The following BICD1 variants were observed in gnomAD, a reference collection of about 807,000 sequenced individuals.
BICD1 encodes BICD cargo adaptor 1, also known as protein bicaudal D homolog 1.
In BICD1, 35 loss-of-function variants were observed where a neutral mutation model predicts 92.5. That is an observed-to-expected ratio of 0.38 (90% CI 0.29 to 0.50). The LOEUF (loss-of-function observed/expected upper bound fraction) is 0.50. BICD1 is among the 20% of genes least tolerant of loss of function. The probability of loss-of-function intolerance (pLI) is 0.93; values close to 1 mark genes in which losing one functional copy is unlikely to be tolerated. For missense variants in BICD1, 950 were observed against 1,189.8 expected (o/e 0.80, Z 2.97); for synonymous variants, 429 against 465.1 (o/e 0.92, Z 1.00).
At chr12:32,164,895 T>A in intron 1 of BICD1, among the ~76,000 whole-genome samples, 1 of 152,186 alleles carries the variant, frequency 6.6e-6, no homozygotes. Flanking sequence ...ATCAAAATTA[T>A]TTTTAATGAG....
chr12:32,218,701 T>C (rs1945429993), intron 2 of BICD1, among the ~76,000 whole-genome samples: 1 of 152,210 alleles, frequency 6.6e-6, no homozygotes, highest in African/African-American at 2.4e-5. Context: ...AGCCTATGAA[T>C]GTGTTTATTC....
At position 32,338,910 on chromosome 12, in the gene BICD1, C is replaced by T. The variant is rs775825494; in HGVS notation, c.2695C>T (p.Pro899Ser). ...AGAATCATTTCTTCTGAAGGGCCCCCCTTCCATGAGTGAATTCATCCAAGG... is the reference window on the plus strand; with the variant it reads ...AGAATCATTTCTTCTGAAGGGCCCCTCTTCCATGAGTGAATTCATCCAAGG... Reference protein sequence around the residue: ...STESFLLKGPPSMSEFIQGHR... With the variant: ...STESFLLKGPSSMSEFIQGHR... Residue 899 changes from proline (P) to serine (S), a missense_variant, in exon 8 of 10, where the codon CCT becomes TCT. Coordinates refer to ENST00000652176, the MANE Select transcript of BICD1 (RefSeq NM_001714.4). 3 of 1,608,622 alleles carry T rather than the reference C, an allele frequency of 1.9e-6. No individual in the cohort carries two copies. The African/African-American group carries it at 4.0e-5, about 22-fold the overall frequency.
At chr12:32,153,444 A>G (rs1051865499) in intron 1 of BICD1, among the ~76,000 whole-genome samples, 2 of 152,182 alleles carry the variant, frequency 1.3e-5, no homozygotes, top group East Asian at 1.9e-4. Flanking sequence ...ACCTGAAACT[A>G]TTCTTGTTAA....
intron 2 of BICD1, among the ~76,000 whole-genome samples, chr12:32,284,614 C>G (rs1002528880): frequency 6.6e-6 from 1 of 152,188 alleles, no homozygotes; most frequent in Non-Finnish European, 1.5e-5. Context: ...AGTCCACCCT[C>G]GCAACTCTCA....
At chr12:32,124,317 G>C (rs920000841) in intron 1 of BICD1, among the ~76,000 whole-genome samples, 1 of 152,160 alleles carries the variant, frequency 6.6e-6, no homozygotes, top group Non-Finnish European at 1.5e-5. Context: ...AGAGATAAAT[G>C]AATTGTGATA....
rs554057587 is a variant in BICD1 at position 32,301,746 on chromosome 12, G to C, written c.580-3951G>C. Reference sequence around the variant, plus strand: ...GCTGTGATCAAGCCACTGTACTCTAGCCTGGGCAACAGAGCAAGACCCTGT... The same window carrying C: ...GCTGTGATCAAGCCACTGTACTCTACCCTGGGCAACAGAGCAAGACCCTGT... On this transcript the variant is annotated intron_variant, in intron 3 of 9. Transcript: ENST00000652176. Among the ~76,000 whole-genome samples the C allele has an allele frequency of 5.9e-5, 9 of 152,188 alleles. No homozygotes were observed. The South Asian group carries it at 1.5e-3, about 25-fold the overall frequency.
intron 8 of BICD1, among the ~76,000 whole-genome samples, chr12:32,344,011 T>C (rs1938477538): frequency 6.6e-6 from 1 of 152,204 alleles, no homozygotes; most frequent in Admixed American, 6.5e-5. Context: ...TGTAACAAAA[T>C]TTAGTGAATA....
intron 2 of BICD1, among the ~76,000 whole-genome samples, chr12:32,232,875 C>T (rs1945934101): frequency 6.6e-6 from 1 of 152,090 alleles, no homozygotes; most frequent in South Asian, 2.1e-4. Context: ...TTTATTTCTG[C>T]ATTAGACAAT....
chr12:32,283,821 C>A (rs1356070433), intron 2 of BICD1, among the ~76,000 whole-genome samples: 3 of 152,204 alleles, frequency 2.0e-5, no homozygotes, highest in Non-Finnish European at 4.4e-5. Flanking sequence ...GGGCCTGTCC[C>A]ATGGATCTGA....
At chr12:32,302,947 C>T (rs60404345) in intron 3 of BICD1, among the ~76,000 whole-genome samples, 21,379 of 78,490 alleles carry the variant, frequency 0.27, 2,323 homozygotes, top group African/African-American at 0.4. Context: ...TTTTTTTTTT[C>T]CCTCAAGACA....
intron 2 of BICD1, among the ~76,000 whole-genome samples, chr12:32,228,673 G>A (rs929371752): frequency 6.6e-6 from 1 of 152,150 alleles, no homozygotes; most frequent in Non-Finnish European, 1.5e-5. Context: ...TTTGAGAGTA[G>A]CCCCAATGGG....
intron 8 of BICD1, among the ~76,000 whole-genome samples, chr12:32,354,502 T>G (rs1166312347): frequency 6.6e-6 from 1 of 152,234 alleles, no homozygotes; most frequent in African/African-American, 2.4e-5. Flanking sequence ...CTATCAAGAG[T>G]ATACGCTATA....
At chr12:32,376,875 AAGG>A (rs34347944) in intron 9 of BICD1, among the ~76,000 whole-genome samples, 40,555 of 112,090 alleles carry the variant, frequency 0.36, 6,132 homozygotes, top group East Asian at 0.47. Context: ...CTAAAAAAAA[AAGG>A]GGGGGGGGGG....
At chr12:32,253,631 T>G (rs1050784730) in intron 2 of BICD1, among the ~76,000 whole-genome samples, 1 of 152,232 alleles carries the variant, frequency 6.6e-6, no homozygotes, top group Admixed American at 6.5e-5. Flanking sequence ...AAATAATTCC[T>G]TAGTCACTCT....
At chr12:32,325,518 C>G (rs1282632968) in intron 4 of BICD1, among the ~76,000 whole-genome samples, 2 of 152,058 alleles carry the variant, frequency 1.3e-5, no homozygotes, top group Non-Finnish European at 2.9e-5. Context: ...CTGAAACTTA[C>G]CCATATCAGA....
At chr12:32,257,388 C>T (rs1467891943) in intron 2 of BICD1, among the ~76,000 whole-genome samples, 1 of 152,050 alleles carries the variant, frequency 6.6e-6, no homozygotes, top group Middle Eastern at 3.2e-3. Flanking sequence ...TTGTATTGCT[C>T]ACTATAGATC....
chr12:32,201,774 G>A (rs114418883), intron 1 of BICD1, among the ~76,000 whole-genome samples: 3,922 of 151,046 alleles, frequency 0.026, 174 homozygotes, highest in African/African-American at 0.09. Flanking sequence ...TATTTTATAC[G>A]TGTTTGTTTA....
chr12:32,305,008 C>G (rs916649166), intron 3 of BICD1, among the ~76,000 whole-genome samples: 1 of 151,792 alleles, frequency 6.6e-6, no homozygotes, highest in Non-Finnish European at 1.5e-5. Flanking sequence ...GGCAACAGAG[C>G]GAGACCCTCT....
rs58895470 is a variant in BICD1 at position 32,225,621 on chromosome 12, G to GTTTTTTTTTTTTTTTTT, written c.426+9166_426+9182dup. The stretch of plus-strand genomic sequence containing the variant: ...TGGTATTTGACAGTTCTTTTTTTCT[G>GTTTTTTTTTTTTTTTTT]TTTTTTTTTTTTTTTTTTTTAGACG... On this transcript the variant is annotated intron_variant, in intron 2 of 9. Coordinates refer to ENST00000652176, the MANE Select transcript of BICD1 (RefSeq NM_001714.4). 4.4e-4 allele frequency among the ~76,000 whole-genome samples: 41 copies of GTTTTTTTTTTTTTTTTT among 92,780 alleles called. 1 individual carries two copies. Among genetic ancestry groups the GTTTTTTTTTTTTTTTTT allele is most frequent in the East Asian group, 9.3e-4 (2 of 2,162 alleles). 60.9% of individuals were successfully genotyped at this position (92,780 alleles called of 152,430 possible). A position where few individuals can be genotyped will look rare whatever the true frequency, so the allele number is the denominator to read the frequency against.
Sources: gnomAD v4.1 joint callset for allele counts (sites outside exome capture counted in the v4.1 genomes callset) on GRCh38, gnomAD v4.1.1 for gene constraint, MANE v1.5 for transcripts, NCBI Gene and HGNC (gene_info 2026-07-23, HGNC 2026-07-21) for gene names.